Variants in CSN2 observed in about 807,000 individuals in gnomAD.
CSN2 encodes the protein casein beta.
A neutral mutation model predicts 27.3 loss-of-function variants in CSN2; 27 were observed. The observed-to-expected ratio is 0.99, with a 90% CI of 0.73 to 1.36. The LOEUF is 1.36. Ranked by LOEUF, CSN2 falls within the 40% of genes most tolerant of loss-of-function variation. The pLI is 0.00. For missense variants in CSN2, 333 were observed against 264.5 expected, an observed-to-expected ratio of 1.26 and a Z score of -1.80; for synonymous variants, 131 against 94.8, an observed-to-expected ratio of 1.38 and a Z score of -2.22.
At chr4:69,962,766 A>G (rs1490814462) in intron 1 of CSN2, among the ~76,000 whole-genome samples, 1 of 152,258 alleles carries the variant, frequency 6.6e-6, no homozygotes, top group Non-Finnish European at 1.5e-5. Flanking sequence ...ACTTCTGCAC[A>G]GCAAAAGAAA....
intron 1 of CSN2, among the ~76,000 whole-genome samples, chr4:69,963,651 G>T (rs1273458637): frequency 6.6e-6 from 1 of 152,034 alleles, no homozygotes; most frequent in Non-Finnish European, 1.5e-5. Flanking sequence ...ACGTGTTAAT[G>T]GGTGCAGCAC....
intron 6 of CSN2, among the ~76,000 whole-genome samples, 174 bp from the exon 7 acceptor site, chr4:69,956,529 AAT>A (rs1286129853): frequency 2.0e-5 from 3 of 151,936 alleles, no homozygotes; most frequent in Non-Finnish European, 4.4e-5. Flanking sequence ...TAAATAAATA[AAT>A]AACCTCTTAG....
intron 1 of CSN2, among the ~76,000 whole-genome samples, chr4:69,964,486 A>G (rs1467525205): frequency 6.6e-6 from 1 of 152,014 alleles, no homozygotes; most frequent in African/African-American, 2.4e-5. Flanking sequence ...AAAAGTCTTT[A>G]ATTTATTTGA....
At chr4:69,961,987 C>A (rs1289003931) in intron 1 of CSN2, among the ~76,000 whole-genome samples, 1 of 152,098 alleles carries the variant, frequency 6.6e-6, no homozygotes, top group East Asian at 1.9e-4. Flanking sequence ...TTCAAAATTG[C>A]TTCAAAGAGA....
At position 69,961,714 on chromosome 4, in the gene CSN2, T is replaced by G. The variant is rs193147876; in HGVS notation, c.-12-707A>C. On this transcript the variant is annotated intron_variant, in intron 1 of 7. Coordinates refer to ENST00000353151, the MANE Select transcript of CSN2 (RefSeq NM_001891.4). The stretch of plus-strand genomic sequence containing the variant: ...CTCTCACCACTCCTATTCAACATAG[T>G]GTTGGAAGTTCTGGCCAGGGCAATT... Among the ~76,000 whole-genome samples, 623 of 152,250 alleles carry G rather than the reference T, an allele frequency of 4.1e-3. 19 individuals are homozygous for G. The highest frequency in any genetic ancestry group is 0.034 in the Admixed American group (522 of 15,286).
chr4:69,955,980 G>A (rs747802661), intron 7 of CSN2, among the ~76,000 whole-genome samples: 8 of 151,934 alleles, frequency 5.3e-5, no homozygotes, highest in Non-Finnish European at 1.2e-4. Context: ...ATAGGCTTTT[G>A]ACAAAAGCTC....
Position 69,956,205 on chromosome 4 carries a change from C to A in CSN2, c.*36+109G>T, listed in dbSNP as rs1424590295. 9 of 665,280 alleles carry A rather than the reference C, an allele frequency of 1.4e-5. No individual in the cohort carries two copies. The South Asian group carries it at 4.5e-4, about 33-fold the overall frequency. 41.2% of individuals were successfully genotyped at this position (665,280 alleles called of 1,614,324 possible). ...AAATTGATAATTAATAAAAAAAGTT[C>A]TTGTATGTATGAAATTTTCACTGTA... On this transcript the variant is annotated intron_variant, in intron 7 of 7. Transcript: ENST00000353151.
chr4:69,962,903 A>G (rs1009060737), intron 1 of CSN2, among the ~76,000 whole-genome samples: 1 of 152,100 alleles, frequency 6.6e-6, no homozygotes, highest in Admixed American at 6.6e-5. Context: ...AAAACAAACA[A>G]CCCCATCAAA....
chr4:69,959,761 T>C (rs943071630), intron 3 of CSN2, among the ~76,000 whole-genome samples: 13 of 151,814 alleles, frequency 8.6e-5, no homozygotes, highest in African/African-American at 3.1e-4. Context: ...AGTATATGCT[T>C]AAGGTGAATA....
chr4:69,962,592 G>T (rs1723634960), intron 1 of CSN2, among the ~76,000 whole-genome samples: 1 of 152,120 alleles, frequency 6.6e-6, no homozygotes, highest in African/African-American at 2.4e-5. Flanking sequence ...ATTCAAGGTG[G>T]ATTAAAGACT....
rs776474472 is a variant in CSN2 at position 69,957,610 on chromosome 4, TC to T, written c.338del (p.Arg113LysfsTer2). ...KAKDTVYTKG[R>X]VMPVLKSPTI... Reference sequence around the variant, plus strand: ...TTGGAGATTTAAGGACAGGCATCACTCTGCCCTTAGTGTAGACAGTGTCTTT... The same window carrying T: ...TTGGAGATTTAAGGACAGGCATCACTTGCCCTTAGTGTAGACAGTGTCTTT... On this transcript the variant is annotated frameshift_variant, in exon 6 of 8. Coordinates refer to ENST00000353151, the MANE Select transcript of CSN2 (RefSeq NM_001891.4). LOFTEE classifies it high-confidence loss of function. The T allele has an allele frequency of 2.2e-5, 36 of 1,613,838 alleles. No homozygotes were observed. The highest frequency in any genetic ancestry group is 3.4e-6 in the Non-Finnish European group (4 of 1,179,954).
At chr4:69,961,144 A>C in intron 1 of CSN2, 137 bp from the exon 2 acceptor site, 1 of 558,986 alleles carries the variant, frequency 1.8e-6, no homozygotes, top group South Asian at 2.8e-5. Flanking sequence ...TTAGAAAATA[A>C]ATAGAATAAA....
At chr4:69,965,589 A>G (rs932818609) in intron 1 of CSN2, among the ~76,000 whole-genome samples, 92 bp downstream of exon 1, 4 of 151,564 alleles carry the variant, frequency 2.6e-5, no homozygotes, top group Non-Finnish European at 5.9e-5. Flanking sequence ...CAAACACTAT[A>G]TTTTAAGTAA....
At chr4:69,956,398 A>T (rs994054970) in intron 6 of CSN2, 43 bp from the exon 7 acceptor site, 1 of 1,319,752 alleles carries the variant, frequency 7.6e-7, no homozygotes, top group Admixed American at 2.9e-5. Flanking sequence ...ACCTCTTAGT[A>T]AGAAAACTTG....
intron 6 of CSN2, 58 bp from the exon 7 acceptor site, chr4:69,956,413 A>G: frequency 7.9e-7 from 1 of 1,272,142 alleles, no homozygotes. Flanking sequence ...AACTTGCCTT[A>G]AGAATGTTGT....
chr4:69,957,779 G>A lies in CSN2; in HGVS notation c.170C>T (p.Pro57Leu), dbSNP rs781240671. The change falls in exon 6 of 8, where the codon CCC becomes CTC. Residue 57 changes from proline (P) to leucine (L), a missense_variant. By Grantham distance (98) the Pro-to-Leu change is moderately conservative (BLOSUM62 -3). Transcript: ENST00000353151. ...GEDEHQDKIY[P>L]SFQPQPLIYP... The stretch of plus-strand genomic sequence containing the variant: ...GATCAGAGGCTGTGGCTGGAAAGAG[G>A]GGTAGATTTTATCCTGGTGTTCATC... 37 of 1,613,346 alleles carry A rather than the reference G, an allele frequency of 2.3e-5. No homozygotes were observed. Among genetic ancestry groups the A allele is most frequent in the African/African-American group, 2.7e-5 (2 of 74,880 alleles).
rs764314755 is a variant in CSN2 at position 69,960,103 on chromosome 4, C to T, written c.52-24G>A. 5 of 1,606,304 alleles carry T rather than the reference C, an allele frequency of 3.1e-6. No homozygotes were observed. In the Admixed American group the frequency reaches 8.4e-5, roughly 27 times the overall value. ...GTCTGTGGGAAAAAAAAATTGACAACCAGCTAAATCTTCTAGATCATTAGA... is the reference window on the plus strand; with the variant it reads ...GTCTGTGGGAAAAAAAAATTGACAATCAGCTAAATCTTCTAGATCATTAGA... On this transcript the variant is annotated intron_variant, in intron 2 of 7. Transcript: ENST00000353151.
chr4:69,963,064 A>G (rs1242252578), intron 1 of CSN2, among the ~76,000 whole-genome samples: 9 of 152,048 alleles, frequency 5.9e-5, no homozygotes, highest in African/African-American at 1.9e-4. Flanking sequence ...TAGAATGGCG[A>G]TCATTAAAAA....
intron 1 of CSN2, among the ~76,000 whole-genome samples, chr4:69,963,860 A>G (rs1010429510): frequency 5.9e-5 from 9 of 152,188 alleles, no homozygotes; most frequent in Non-Finnish European, 8.8e-5. Context: ...AATGAACAAA[A>G]TATTACAGTC....
Sources: gnomAD v4.1 joint callset for allele counts (sites outside exome capture counted in the v4.1 genomes callset) on GRCh38, gnomAD v4.1.1 for gene constraint, MANE v1.5 for transcripts, NCBI Gene and HGNC (gene_info 2026-07-23, HGNC 2026-07-21) for gene names.